The following FREM1 variants were observed in gnomAD, a reference collection of about 807,000 sequenced individuals.
The protein encoded by FREM1 is FRAS1-related extracellular matrix protein 1.
Under a neutral mutation model 210.1 loss-of-function variants are expected in FREM1, and 220 were observed. That is an observed-to-expected ratio of 1.05 (90% CI 0.94 to 1.17). The LOEUF is 1.17. Ranked by LOEUF, FREM1 falls within the 50% of genes most tolerant of loss-of-function variation. The probability of loss-of-function intolerance (pLI) is 0.00; values close to 1 mark genes in which losing one functional copy is unlikely to be tolerated. For missense variants in FREM1, 3,454 were observed against 2,675.5 expected, an observed-to-expected ratio of 1.29 and a Z score of -6.42; for synonymous variants, 1,189 against 980.2, an observed-to-expected ratio of 1.21 and a Z score of -3.98.
chr9:14,753,917 ATC>A (rs1843813793), intron 29 of FREM1, among the ~76,000 whole-genome samples: 1 of 152,210 alleles, frequency 6.6e-6, no homozygotes, highest in South Asian at 2.1e-4. Context: ...TCTAAATAAT[ATC>A]TAAAATCATA....
At chr9:14,810,492 C>T (rs1015647464) in intron 16 of FREM1, among the ~76,000 whole-genome samples, 3 of 152,118 alleles carry the variant, frequency 2.0e-5, no homozygotes, top group African/African-American at 7.2e-5. Context: ...CACTCTGCTG[C>T]CCAGGTTGGA....
At chr9:14,791,991 T>C (rs1296582195) in intron 22 of FREM1, among the ~76,000 whole-genome samples, 1 of 152,042 alleles carries the variant, frequency 6.6e-6, no homozygotes, top group East Asian at 1.9e-4. Flanking sequence ...ATTACATGTG[T>C]GTGCTGCCAC....
intron 29 of FREM1, among the ~76,000 whole-genome samples, chr9:14,753,824 T>C (rs1485421224): frequency 6.6e-6 from 1 of 152,228 alleles, no homozygotes; most frequent in East Asian, 1.9e-4. Flanking sequence ...AAACTGCTTC[T>C]GGGTTAATAA....
chr9:14,848,668 T>C lies in FREM1; in HGVS notation c.1258A>G (p.Thr420Ala). The change falls in exon 7 of 37, where the codon ACA becomes GCA. Residue 420 changes from threonine to alanine, a missense_variant. Transcript: ENST00000380880. Reference sequence around the variant, plus strand: ...TATGCCTTATATTGAGCTTTACCTGTATTCCAGGATACACGGGGGGCATTT... The same window carrying C: ...TATGCCTTATATTGAGCTTTACCTGCATTCCAGGATACACGGGGGGCATTT... Reference protein sequence around the residue: ...DTNAPRVSWNTGLSLLEGQSR... With the variant: ...DTNAPRVSWNAGLSLLEGQSR... 6.3e-7 allele frequency: 1 copy of C among 1,582,296 alleles called. No homozygotes were observed. Among genetic ancestry groups the C allele is most frequent in the African/African-American group, 1.3e-5 (1 of 74,448 alleles).
chr9:14,824,051 C>A lies in FREM1; in HGVS notation c.2143G>T (p.Ala715Ser). The A allele has an allele frequency of 6.3e-7, 1 of 1,593,586 alleles. No homozygotes were observed. The highest frequency in any genetic ancestry group is 8.6e-7 in the Non-Finnish European group (1 of 1,168,756). Residue 715 changes from alanine (A) to serine (S), a missense_variant, in exon 12 of 37, where the codon GCC (alanine) becomes TCC (serine). Transcript: ENST00000380880. The stretch of plus-strand genomic sequence containing the variant: ...TGAGTGAATGACCTCAGCTCCAGGG[C>A]CGTAGGATTCTTAACTACTTTTGGT... ...SIPKVVKNPT[A>S]LELRSFTQHA...
At chr9:14,874,174 C>A (rs199578306) in intron 1 of FREM1, among the ~76,000 whole-genome samples, 1 of 151,978 alleles carries the variant, frequency 6.6e-6, no homozygotes, top group South Asian at 2.1e-4. Context: ...TCTGCAGATG[C>A]CTATTAGGTC....
At chr9:14,860,117 T>C (rs947566390) in intron 3 of FREM1, among the ~76,000 whole-genome samples, 2 of 152,148 alleles carry the variant, frequency 1.3e-5, no homozygotes, top group South Asian at 2.1e-4. Flanking sequence ...CAGCTTCTAA[T>C]TGATGTGCTC....
intron 13 of FREM1, among the ~76,000 whole-genome samples, chr9:14,822,404 T>G (rs1486001242): frequency 6.6e-6 from 1 of 152,130 alleles, no homozygotes; most frequent in Admixed American, 6.6e-5. Context: ...ATAGTCCAAG[T>G]AGGCACCCGG....
At chr9:14,847,782 C>T (rs76306390) in intron 7 of FREM1, among the ~76,000 whole-genome samples, 2 of 152,154 alleles carry the variant, frequency 1.3e-5, no homozygotes, top group Non-Finnish European at 2.9e-5. Flanking sequence ...CACACATACA[C>T]GTACAGACTA....
At chr9:14,747,600 T>C in intron 32 of FREM1, 81 bp downstream of exon 32, 1 of 1,040,130 alleles carries the variant, frequency 9.6e-7, no homozygotes, top group Non-Finnish European at 1.4e-6. Flanking sequence ...TGTATAAATA[T>C]AAAAAATATA....
chr9:14,747,985 G>A (rs564624823), intron 31 of FREM1, among the ~76,000 whole-genome samples: 1 of 152,214 alleles, frequency 6.6e-6, no homozygotes, highest in African/African-American at 2.4e-5. Context: ...TATATCTATA[G>A]TACACAGGTC....
At chr9:14,859,138 T>G in intron 4 of FREM1, 45 bp downstream of exon 4, 1 of 1,458,770 alleles carries the variant, frequency 6.9e-7, no homozygotes, top group Non-Finnish European at 9.2e-7. Context: ...TGGATATTTT[T>G]GTCAGTTTTG....
chr9:14,869,830 G>C (rs149858972), intron 1 of FREM1, among the ~76,000 whole-genome samples: 36 of 152,308 alleles, frequency 2.4e-4, no homozygotes, highest in African/African-American at 8.7e-4. Context: ...GAACATTCAA[G>C]TTTCTGTTTA....
chr9:14,820,745 C>A (rs560163129), intron 13 of FREM1, among the ~76,000 whole-genome samples: 1 of 152,212 alleles, frequency 6.6e-6, no homozygotes, highest in Non-Finnish European at 1.5e-5. Flanking sequence ...ACTTCTCTCC[C>A]TACAACTACC....
intron 1 of FREM1, among the ~76,000 whole-genome samples, chr9:14,899,798 G>C (rs138728517): frequency 1.3e-3 from 194 of 152,330 alleles, no homozygotes; most frequent in African/African-American, 4.6e-3. Flanking sequence ...TTCAAACTGT[G>C]ATGTCCCTGA....
intron 6 of FREM1, among the ~76,000 whole-genome samples, chr9:14,850,980 A>T (rs1827622418): frequency 6.6e-6 from 1 of 152,236 alleles, no homozygotes; most frequent in Admixed American, 6.5e-5. Flanking sequence ...TTGGCACATG[A>T]GTGCTACAGC....
intron 22 of FREM1, among the ~76,000 whole-genome samples, chr9:14,791,884 G>A (rs1851402266): frequency 6.6e-6 from 1 of 150,528 alleles, no homozygotes; most frequent in African/African-American, 2.4e-5. Flanking sequence ...CCAGGCTGGA[G>A]TGCAGCAGCA....
intron 24 of FREM1, among the ~76,000 whole-genome samples, chr9:14,779,747 G>T (rs1233812664): frequency 6.6e-6 from 1 of 152,182 alleles, no homozygotes; most frequent in Non-Finnish European, 1.5e-5. Context: ...GCGGGCCACA[G>T]ACCACAGAAG....
At chr9:14,757,473 T>C (rs1844625024) in intron 28 of FREM1, among the ~76,000 whole-genome samples, 2 of 152,138 alleles carry the variant, frequency 1.3e-5, no homozygotes, top group South Asian at 4.2e-4. Flanking sequence ...GAGAAGAGCT[T>C]GAACTTGGGA....
Sources: allele counts gnomAD v4.1 joint callset (sites outside exome capture counted in the v4.1 genomes callset), GRCh38; gene constraint gnomAD v4.1.1; transcripts MANE v1.5; gene names NCBI Gene and HGNC (gene_info 2026-07-23, HGNC 2026-07-21).